The following NOP2 variants were observed in gnomAD, a reference collection of about 807,000 sequenced individuals.
NOP2 encodes the protein NOP2 nucleolar protein.
A neutral mutation model predicts 72.7 loss-of-function variants in NOP2; 7 were observed. The observed-to-expected ratio is 0.10, with a 90% CI of 0.05 to 0.18. The LOEUF is 0.18. Among genes scored for constraint, NOP2 ranks in the 10% least tolerant of loss-of-function variants. The pLI, the probability that NOP2 is intolerant of heterozygous loss-of-function variation, is 1.00. For synonymous variants in NOP2, 387 were observed against 388.0 expected, an observed-to-expected ratio of 1.00 and a Z score of 0.03; for missense variants, 954 against 1,014.7, an observed-to-expected ratio of 0.94 and a Z score of 0.81.
rs765121276 is a variant in NOP2, at chr12:6,557,224, A to G, written c.2208T>C (p.Thr736=). The change falls in exon 16 of 16, where the codon ACT becomes ACC. Residue 736 remains threonine, a synonymous_variant. Transcript: ENST00000322166. ...GGTCCTTAGGTTTCAGGGTGGCCTG[A>G]GTCTTGGATGGGGATAACACAGCCG... ...QTPAVLSPSK[T]QATLKPKDHH... is the part of the protein sequence containing the mutation. 6.2e-7 allele frequency: 1 copy of G among 1,613,880 alleles called. No individual in the cohort carries two copies.
chr12:6,563,826 C>T, intron 6 of NOP2, 55 bp from the exon 7 acceptor site: 1 of 1,612,856 alleles, frequency 6.2e-7, no homozygotes. Flanking sequence ...ATACCTCCTC[C>T]TTCCTCACAG....
chr12:6,563,528 G>A lies in NOP2; in HGVS notation c.689-14C>T. 1 of 1,612,580 alleles carries A rather than the reference G, an allele frequency of 6.2e-7. No homozygotes were observed. Among genetic ancestry groups the A allele is most frequent in the African/African-American group, 1.3e-5 (1 of 75,012 alleles). ...GAGCCTGGGCATGTGGGCCTGTTAA[G>A]GAACTGTGTCATGATGTCCTAAGGC... On this transcript the variant is annotated splice_polypyrimidine_tract_variant and intron_variant, in intron 7 of 15. Coordinates refer to ENST00000322166, the MANE Select transcript of NOP2 (RefSeq NM_001258308.2).
intron 15 of NOP2, 88 bp from the exon 16 acceptor site, chr12:6,557,730 T>C: frequency 7.3e-7 from 1 of 1,374,730 alleles, no homozygotes; most frequent in African/African-American, 1.5e-5. Context: ...AGAATTGCCA[T>C]TTCCTGGGCA....
Position 6,557,613 on chromosome 12 carries a change from C to G in NOP2, c.1819G>C (p.Val607Leu). ...TTGGGGATGACCTGAGGCAAGTCTA[C>G]ATTTGTAGGTGTGGCTGTTTCAGAA... ...GNSETATPTN[V>L]DLPQVIPKSE... is the part of the protein sequence containing the mutation. Residue 607 changes from valine (V) to leucine (L), a missense_variant, in exon 16 of 16, where the codon GTA becomes CTA. This residue lies in a region of NOP2 where 269 missense variants were observed against 260.2 expected (regional missense o/e 1.03). Transcript: ENST00000322166. 4.3e-6 allele frequency: 7 copies of G among 1,613,014 alleles called. No individual in the cohort carries two copies. The highest frequency in any genetic ancestry group is 5.1e-6 in the Non-Finnish European group (6 of 1,179,460).
intron 15 of NOP2, 114 bp downstream of exon 15, chr12:6,559,984 C>T: frequency 1.3e-6 from 1 of 769,982 alleles, no homozygotes; most frequent in Admixed American, 2.6e-5. Context: ...CATGCAAAGG[C>T]TGGAGTAAGG....
In NOP2 at chr12:6,563,339, G is replaced by C. The variant is rs1264782812; in HGVS notation, c.864C>G (p.Leu288=). Residue 288 remains leucine (L), a synonymous_variant, in exon 8 of 16, where the codon CTC becomes CTG. Transcript: ENST00000322166. ...YSYGDFLLGK[L]MDLFPLSELV... is the part of the protein sequence containing the mutation. ...CCTCAGACAGAGGGAAGAGGTCCAT[G>C]AGCTTGCCAAGCAGGAAGTCTCCAT... 1 of 1,598,320 alleles carries C rather than the reference G, an allele frequency of 6.3e-7. No individual in the cohort carries two copies. The highest frequency in any genetic ancestry group is 8.5e-7 in the Non-Finnish European group (1 of 1,172,602).
At position 6,561,760 on chromosome 12, in the gene NOP2, C is replaced by T; in HGVS notation, c.1111G>A (p.Ala371Thr). Reference sequence around the variant, plus strand: ...GCCATGACGGGCAACATGCTGGAGGCTCCCTGCAGCATGTAGTGCCCAGCC... The same window carrying T: ...GCCATGACGGGCAACATGCTGGAGGTTCCCTGCAGCATGTAGTGCCCAGCC... Reference protein sequence around the residue: ...YLAGHYMLQGASSMLPVMALA... With the variant: ...YLAGHYMLQGTSSMLPVMALA... Residue 371 changes from alanine to threonine, a missense_variant, in exon 11 of 16, where the codon GCC becomes ACC. Around this residue, in one of 3 missense-constraint regions of NOP2, gnomAD observed 498 missense variants for 478.3 expected, o/e 1.04. Coordinates refer to ENST00000322166, the MANE Select transcript of NOP2 (RefSeq NM_001258308.2). 1 of 1,611,576 alleles carries T rather than the reference C, an allele frequency of 6.2e-7. No individual in the cohort carries two copies. Among genetic ancestry groups the T allele is most frequent in the African/African-American group, 1.3e-5 (1 of 74,974 alleles).
chr12:6,567,952 C>A (rs536869488), intron 1 of NOP2, 30 bp from the exon 2 acceptor site: 3 of 1,569,176 alleles, frequency 1.9e-6, no homozygotes, highest in East Asian at 4.5e-5. Context: ...GAGAAGGTGG[C>A]GTCGCGCGTG....
chr12:6,560,968 G>T lies in NOP2; in HGVS notation c.1310C>A (p.Thr437Asn), dbSNP rs745697045. Reference protein sequence around the residue: ...GNLHRLGVTNTIISHYDGRQF... With the variant: ...GNLHRLGVTNNIISHYDGRQF... ...GCGCCCATCATAGTGGCTGATAATG[G>T]TGTTGGTGACTCCCAGCCGATGCAA... The change falls in exon 12 of 16, where the codon ACC (threonine) becomes AAC (asparagine). Residue 437 changes from threonine to asparagine, a missense_variant. Physicochemically the swap from Thr to Asn is moderately conservative, Grantham distance 65 (BLOSUM62 0). Transcript: ENST00000322166. This position sits in a 1 kb window ranked among gnomAD's most constrained non-coding sequence, Gnocchi z 5.0. 6.2e-7 allele frequency: 1 copy of T among 1,613,870 alleles called. No homozygotes were observed. The highest frequency in any genetic ancestry group is 8.5e-7 in the Non-Finnish European group (1 of 1,179,876).
chr12:6,557,777 A>G (rs1358151157), intron 15 of NOP2, 135 bp from the exon 16 acceptor site: 33 of 904,304 alleles, frequency 3.6e-5, no homozygotes, highest in African/African-American at 1.0e-4. Context: ...CTAAGAGCAG[A>G]TTACCTAAAT....
intron 5 of NOP2, among the ~76,000 whole-genome samples, chr12:6,565,052 C>A (rs1202831425): frequency 6.6e-6 from 1 of 152,080 alleles, no homozygotes; most frequent in Admixed American, 6.6e-5. Flanking sequence ...TACATCCACA[C>A]ACTAATTGTA....
Position 6,557,474 on chromosome 12 carries a change from A to G in NOP2, c.1958T>C (p.Ile653Thr). 1 of 1,613,906 alleles carries G rather than the reference A, an allele frequency of 6.2e-7. No individual in the cohort carries two copies. Among genetic ancestry groups the G allele is most frequent in the South Asian group, 1.1e-5 (1 of 91,082 alleles). ...KKASFQKLNG[I>T]SKGADSELST... ...CAATTCTGAGTCTGCCCCTTTGGAG[A>G]TGCCATTCAGCTTCTGGAAGGAGGC... The change falls in exon 16 of 16, where the codon ATC becomes ACC. Residue 653 changes from isoleucine (I) to threonine (T), a missense_variant. This residue lies in a region of NOP2 where 269 missense variants were observed against 260.2 expected (regional missense o/e 1.03). Transcript: ENST00000322166.
chr12:6,564,121 CTAAG>C (rs1479015916), intron 5 of NOP2, 175 bp from the exon 6 acceptor site: 1 of 1,497,228 alleles, frequency 6.7e-7, no homozygotes, highest in Admixed American at 2.0e-5. Flanking sequence ...ACTGTTGAAA[CTAAG>C]TAATGAGGGC....
chr12:6,562,977 A>G, intron 9 of NOP2, 104 bp downstream of exon 9: 1 of 1,129,808 alleles, frequency 8.9e-7, no homozygotes, highest in Non-Finnish European at 1.3e-6. Flanking sequence ...GATCATGCTT[A>G]GGTCCTAAGG....
intron 11 of NOP2, among the ~76,000 whole-genome samples, 174 bp from the exon 12 acceptor site, chr12:6,561,244 G>A (rs1050457239): frequency 6.6e-6 from 1 of 152,156 alleles, no homozygotes; most frequent in East Asian, 1.9e-4. Context: ...CCTGGTGATC[G>A]GCAAGTCTAC....
At position 6,560,904 on chromosome 12, in the gene NOP2, T is replaced by G. The variant is rs766720016; in HGVS notation, c.1347+27A>C. 4.3e-6 allele frequency: 7 copies of G among 1,613,234 alleles called. No homozygotes were observed. The highest frequency in any genetic ancestry group is 5.9e-6 in the Non-Finnish European group (7 of 1,179,464). On this transcript the variant is annotated intron_variant, in intron 12 of 15. Transcript: ENST00000322166. This position sits in a 1 kb window ranked among gnomAD's most constrained non-coding sequence, Gnocchi z 5.0. ...GGGAGAAGGTCAACCGGAAGAAGCC[T>G]CAGAAGACACACAGCTCGAGTCTCA...
At position 6,557,092 on chromosome 12, in the gene NOP2, A is replaced by G. The variant is rs2136163202; in HGVS notation, c.2340T>C (p.Pro780=). 6.2e-7 allele frequency: 1 copy of G among 1,613,966 alleles called. No individual in the cohort carries two copies. The highest frequency in any genetic ancestry group is 8.5e-7 in the Non-Finnish European group (1 of 1,179,888). The change falls in exon 16 of 16, where the codon CCT becomes CCC. Residue 780 remains proline (P), a synonymous_variant. Coordinates refer to ENST00000322166, the MANE Select transcript of NOP2 (RefSeq NM_001258308.2). ...GGATGGGAGACACAGTGGGAGGCTG[A>G]GGCCCCTTGGGGGTATCATTCTGTT... The part of the protein sequence containing the change: ...FQKQNDTPKG[P]QPPTVSPIRS...
chr12:6,563,186 G>A lies in NOP2; in HGVS notation c.889-16C>T, dbSNP rs756917519. On this transcript the variant is annotated splice_polypyrimidine_tract_variant and intron_variant, in intron 8 of 15. Transcript: ENST00000322166. ...ACTCCACCAGCTGCGGGGCAAGACAGCAGGGAATAAGTGAGGCTGGCTAAG... is the reference window on the plus strand; with the variant it reads ...ACTCCACCAGCTGCGGGGCAAGACAACAGGGAATAAGTGAGGCTGGCTAAG... 2 of 1,575,258 alleles carry A rather than the reference G, an allele frequency of 1.3e-6. No homozygotes were observed. Among genetic ancestry groups the A allele is most frequent in the Admixed American group, 1.9e-5 (1 of 53,540 alleles).
In NOP2 at chr12:6,566,257, G is replaced by T; in HGVS notation, c.318C>A (p.Arg106=). 5 of 1,613,900 alleles carry T rather than the reference G, an allele frequency of 3.1e-6. No homozygotes were observed. The highest frequency in any genetic ancestry group is 4.2e-6 in the Non-Finnish European group (5 of 1,179,880). The change falls in exon 5 of 16, where the codon CGC becomes CGA. Residue 106 remains arginine, a synonymous_variant. Coordinates refer to ENST00000322166, the MANE Select transcript of NOP2 (RefSeq NM_001258308.2). ...CTTCCTCATCACTGCCAGGTGCTGG[G>T]CGCTTCTTGCCTCGAGGAGCATTAA... ...SLFNAPRGKK[R]PAPGSDEEEE...
Sources: gnomAD v4.1 joint callset for allele counts (sites outside exome capture counted in the v4.1 genomes callset) on GRCh38, gnomAD v4.1.1 for gene constraint, gnomAD v4.1.1 regional missense constraint, Gnocchi (gnomAD v3.1) non-coding constraint, MANE v1.5 for transcripts, NCBI Gene and HGNC (gene_info 2026-07-23, HGNC 2026-07-21) for gene names.